KNTC1: variants seen among roughly 807,000 people sequenced by gnomAD.
KNTC1 encodes the protein kinetochore-associated protein 1.
A neutral mutation model predicts 314.4 loss-of-function variants in KNTC1; 253 were observed. The ratio of observed to expected loss-of-function variants is 0.80; its 90% CI spans 0.73 to 0.89. The LOEUF is 0.89. Ranked by LOEUF, KNTC1 falls within the 40% of genes least tolerant of loss-of-function variation. The probability of loss-of-function intolerance (pLI) is 0.00; values close to 1 mark genes in which losing one functional copy is unlikely to be tolerated. For synonymous variants in KNTC1, 901 were observed against 901.4 expected (o/e 1.00, Z 0.01); for missense variants, 2,475 against 2,572.9 (o/e 0.96, Z 0.82).
At chr12:122,541,279 G>GCCTTCCTTCCTTCCTT (rs1250793495) in intron 5 of KNTC1, among the ~76,000 whole-genome samples, 1 of 102,430 alleles carries the variant, frequency 9.8e-6, no homozygotes, top group East Asian at 3.9e-4. Flanking sequence ...CTGCCTGCCT[G>GCCTTCCTTCCTTCCTT]CCTGCCTGCC....
rs555361929 is a variant in KNTC1, at chr12:122,566,535, G to A, written c.1605-1726G>A. ...AGTGATTCTCCTGCCTCAGCCTCCC[G>A]ACTAGCTGGGATTACAGGCATGCAA... On this transcript the variant is annotated intron_variant, in intron 20 of 63. Transcript: ENST00000333479. Among the ~76,000 whole-genome samples, 4 of 151,246 alleles carry A rather than the reference G, an allele frequency of 2.6e-5. No individual in the cohort carries two copies. The East Asian group carries it at 7.8e-4, about 30-fold the overall frequency.
intron 21 of KNTC1, 49 bp downstream of exon 21, chr12:122,568,421 A>G (rs1390116818): frequency 2.0e-6 from 2 of 1,000,574 alleles, no homozygotes; most frequent in Non-Finnish European, 1.6e-6. Context: ...CTCCTGAGTT[A>G]GGTGATTGAA....
intron 62 of KNTC1, 125 bp downstream of exon 62, chr12:122,622,732 T>TGAGGTTGAGAGTTCAAAACCA: frequency 1.4e-6 from 1 of 722,066 alleles, no homozygotes; most frequent in Non-Finnish European, 2.1e-6. Flanking sequence ...GTGGATCACC[T>TGAGGTTGAGAGTTCAAAACCA]GAGGTTGAGA....
chr12:122,572,834 C>A, intron 24 of KNTC1, 103 bp from the exon 25 acceptor site: 1 of 945,766 alleles, frequency 1.1e-6, no homozygotes, highest in Non-Finnish European at 1.5e-6. Flanking sequence ...CTCTTACGTG[C>A]ATAACCAGGG....
Position 122,594,254 on chromosome 12 carries a change from G to GT in KNTC1, c.4246-15dup, listed in dbSNP as rs770182884. On this transcript the variant is annotated intron_variant, in intron 42 of 63. Coordinates refer to ENST00000333479, the MANE Select transcript of KNTC1 (RefSeq NM_014708.6). ...TCAGTGTAGAGGGTTTTTTTGCTTT[G>GT]TTTTTTTCTTTTTATTTCTAGATTT... 4.2e-6 allele frequency: 6 copies of GT among 1,413,044 alleles called. 1 individual carries two copies. In the South Asian group the frequency reaches 4.7e-5, roughly 11 times the overall value. 87.5% of individuals were successfully genotyped at this position (1,413,044 alleles called of 1,614,324 possible).
chr12:122,592,052 C>A (rs2052439485), intron 42 of KNTC1, among the ~76,000 whole-genome samples: 1 of 152,178 alleles, frequency 6.6e-6, no homozygotes, highest in Non-Finnish European at 1.5e-5. Context: ...ACCCGGGCTG[C>A]GCATGGCGCT....
At position 122,561,834 on chromosome 12, in the gene KNTC1, AT is replaced by A. The variant is rs576063938; in HGVS notation, c.1489-81del. The A allele has an allele frequency of 2.4e-3, 2,607 of 1,101,456 alleles. 22 individuals are homozygous for A. Among genetic ancestry groups the A allele is most frequent in the Non-Finnish European group, 2.9e-3 (2,209 of 760,102 alleles). 68.2% of individuals were successfully genotyped at this position (1,101,456 alleles called of 1,614,324 possible). Reference sequence around the variant, plus strand: ...ACTTAAATGCAATTTATTTAAAAAAATTTTTTGTTATTTCACAGAAAATCCA... The same window carrying A: ...ACTTAAATGCAATTTATTTAAAAAAATTTTTGTTATTTCACAGAAAATCCA... On this transcript the variant is annotated intron_variant, in intron 18 of 63. Transcript: ENST00000333479.
chr12:122,550,917 T>C (rs1005693666), intron 13 of KNTC1, among the ~76,000 whole-genome samples: 8 of 152,112 alleles, frequency 5.3e-5, no homozygotes, highest in Non-Finnish European at 1.0e-4. Flanking sequence ...CATGTTAAGC[T>C]TTTTTTGGCA....
At chr12:122,566,212 A>G (rs559887100) in intron 20 of KNTC1, among the ~76,000 whole-genome samples, 2 of 149,698 alleles carry the variant, frequency 1.3e-5, no homozygotes, top group African/African-American at 4.9e-5. Context: ...AAGTGCTGGG[A>G]TTACAAGCGT....
At chr12:122,585,040 CA>C in intron 36 of KNTC1, 50 bp downstream of exon 36, 13 of 1,055,782 alleles carry the variant, frequency 1.2e-5, no homozygotes, top group South Asian at 4.1e-5. Context: ...ACGCATTATG[CA>C]CCTTTTTTTT....
rs370940003 is a variant in KNTC1, at chr12:122,605,397, T to G, written c.5478T>G (p.Pro1826=). ...WDMLLEKWLC[P]STKPGEKPSE... ...TGTTGTTGGAAAAATGGCTATGCCC[T>G]TCAACAAAACCTGGTGAAGTAAGTA... The change falls in exon 51 of 64, where the codon CCT becomes CCG. Residue 1826 remains proline, a synonymous_variant. Transcript: ENST00000333479. 19 of 1,591,484 alleles carry G rather than the reference T, an allele frequency of 1.2e-5. No individual in the cohort carries two copies. Among genetic ancestry groups the G allele is most frequent in the Non-Finnish European group, 1.6e-5 (19 of 1,165,610 alleles).
At chr12:122,531,068 G>T (rs1408424992) in intron 2 of KNTC1, among the ~76,000 whole-genome samples, 2 of 151,076 alleles carry the variant, frequency 1.3e-5, no homozygotes, top group African/African-American at 4.9e-5. Flanking sequence ...TTTAATAAAA[G>T]AAATTTTTTT....
At chr12:122,585,274 T>G (rs1477441135) in intron 36 of KNTC1, among the ~76,000 whole-genome samples, 3 of 152,128 alleles carry the variant, frequency 2.0e-5, no homozygotes, top group Non-Finnish European at 4.4e-5. Context: ...ATTCCTGGGC[T>G]CAAGTGATTC....
At chr12:122,582,176 G>A (rs1868500607) in intron 33 of KNTC1, among the ~76,000 whole-genome samples, 1 of 152,094 alleles carries the variant, frequency 6.6e-6, no homozygotes, top group Non-Finnish European at 1.5e-5. Flanking sequence ...CAACGCTTTG[G>A]GAGAATGAGG....
At chr12:122,613,808 G>A in intron 55 of KNTC1, 47 bp downstream of exon 55, 1 of 1,519,260 alleles carries the variant, frequency 6.6e-7, no homozygotes. Flanking sequence ...CCCCTACTCA[G>A]AATCCTGAAA....
rs1351036994 is a variant in KNTC1 at position 122,585,628 on chromosome 12, G to C, written c.3535-8G>C. On this transcript the variant is annotated splice_polypyrimidine_tract_variant and splice_region_variant and intron_variant, in intron 36 of 63. Transcript: ENST00000333479. ...AGTTCTCTCTTTTTTGTATGATTTG[G>C]CACCTAGGCTTCTTTTGGGACACAT... 1 of 1,613,268 alleles carries C rather than the reference G, an allele frequency of 6.2e-7. No individual in the cohort carries two copies. Among genetic ancestry groups the C allele is most frequent in the Non-Finnish European group, 8.5e-7 (1 of 1,179,640 alleles).
At chr12:122,538,718 G>A (rs1565931708) in intron 4 of KNTC1, among the ~76,000 whole-genome samples, 2 of 152,216 alleles carry the variant, frequency 1.3e-5, no homozygotes, top group African/African-American at 4.8e-5. Context: ...AGGAAACAGC[G>A]TATGGGAAAG....
Position 122,625,043 on chromosome 12 carries a change from G to A in KNTC1, c.6606+355G>A, listed in dbSNP as rs538746037. ...AAAGGTGTTGATTATTGTCATGCTTGGGTATTAATTGCTTTTTAAATTAAT... is the reference window on the plus strand; with the variant it reads ...AAAGGTGTTGATTATTGTCATGCTTAGGTATTAATTGCTTTTTAAATTAAT... On this transcript the variant is annotated intron_variant, in intron 63 of 63. Coordinates refer to ENST00000333479, the MANE Select transcript of KNTC1 (RefSeq NM_014708.6). 3.3e-5 allele frequency among the ~76,000 whole-genome samples: 5 copies of A among 152,238 alleles called. No individual in the cohort carries two copies. The East Asian group carries it at 9.6e-4, about 29-fold the overall frequency.
chr12:122,551,734 A>G (rs539564637), intron 16 of KNTC1, 38 bp downstream of exon 16: 1 of 1,459,060 alleles, frequency 6.9e-7, no homozygotes, highest in South Asian at 1.1e-5. Context: ...CCAAACAAGC[A>G]TTTCGTCATG....
Sources: allele counts gnomAD v4.1 joint callset (sites outside exome capture counted in the v4.1 genomes callset), GRCh38; gene constraint gnomAD v4.1.1; transcripts MANE v1.5; gene names NCBI Gene and HGNC (gene_info 2026-07-23, HGNC 2026-07-21).